The following SLC25A31 variants were observed in gnomAD, a reference collection of about 807,000 sequenced individuals.
The protein encoded by SLC25A31 is ADP/ATP translocase 4.
SLC25A31 carries 40 observed loss-of-function variants against 36.2 expected under a neutral mutation model. The observed-to-expected ratio is 1.10, with a 90% CI of 0.86 to 1.44. SLC25A31 has a LOEUF of 1.44. SLC25A31 is among the 40% of genes most tolerant of loss of function. SLC25A31 has a pLI of 0.00. For missense variants in SLC25A31, 350 were observed against 397.1 expected, an observed-to-expected ratio of 0.88 and a Z score of 1.01; for synonymous variants, 143 against 149.7, an observed-to-expected ratio of 0.96 and a Z score of 0.32.
intron 2 of SLC25A31, among the ~76,000 whole-genome samples, chr4:127,760,727 T>C (rs1732110364): frequency 6.6e-6 from 1 of 152,202 alleles, no homozygotes; most frequent in Non-Finnish European, 1.5e-5. Context: ...TCCTGATTCT[T>C]CTCCGTGCCT....
At chr4:127,747,015 T>C (rs1477721490) in intron 2 of SLC25A31, among the ~76,000 whole-genome samples, 1 of 152,222 alleles carries the variant, frequency 6.6e-6, no homozygotes, top group African/African-American at 2.4e-5. Context: ...CCCACCACTA[T>C]TTATTGAATA....
chr4:127,730,582 C>T lies in SLC25A31; in HGVS notation c.37C>T (p.Arg13Trp), dbSNP rs935825488. The change falls in exon 1 of 6, where the codon CGG becomes TGG. Residue 13 changes from arginine (R) to tryptophan (W), a missense_variant. By Grantham distance (101) the Arg-to-Trp change is moderately radical. Transcript: ENST00000281154. Reference sequence around the variant, plus strand: ...GCCTGCGAAAAAGAAGGCAGAAAAGCGGCTGTTTGACGCCTCATCCTTCGG... The same window carrying T: ...GCCTGCGAAAAAGAAGGCAGAAAAGTGGCTGTTTGACGCCTCATCCTTCGG... ...REPAKKKAEKRLFDASSFGKD... is the reference protein window; with the variant it reads ...REPAKKKAEKWLFDASSFGKD... 3.7e-6 allele frequency: 6 copies of T among 1,613,912 alleles called. No homozygotes were observed. In the African/African-American group the frequency reaches 6.7e-5, roughly 18 times the overall value.
At chr4:127,751,037 A>G (rs1242440288) in intron 2 of SLC25A31, among the ~76,000 whole-genome samples, 1 of 152,210 alleles carries the variant, frequency 6.6e-6, no homozygotes, top group East Asian at 1.9e-4. Flanking sequence ...CCATCAAGCT[A>G]CCAATGACTT....
intron 2 of SLC25A31, among the ~76,000 whole-genome samples, chr4:127,748,647 T>G (rs1374811720): frequency 2.0e-5 from 3 of 152,164 alleles, no homozygotes. Context: ...CACTACAGTT[T>G]TTGGTTAGAG....
chr4:127,757,029 G>T (rs1014476431), intron 2 of SLC25A31, among the ~76,000 whole-genome samples: 54 of 152,294 alleles, frequency 3.5e-4, no homozygotes, highest in African/African-American at 1.3e-3. Flanking sequence ...TTCAGTAGCA[G>T]CTTTTCTTAG....
At chr4:127,752,226 A>G (rs1173447035) in intron 2 of SLC25A31, among the ~76,000 whole-genome samples, 1 of 152,202 alleles carries the variant, frequency 6.6e-6, no homozygotes, top group Non-Finnish European at 1.5e-5. Context: ...ACACCATGGA[A>G]TACTATGCAG....
intron 1 of SLC25A31, among the ~76,000 whole-genome samples, chr4:127,732,356 C>G (rs1198912027): frequency 2.0e-5 from 3 of 152,164 alleles, no homozygotes; most frequent in Non-Finnish European, 2.9e-5. Context: ...AATGCATCAT[C>G]TGGGAGCTAA....
intron 2 of SLC25A31, among the ~76,000 whole-genome samples, chr4:127,751,505 G>C (rs1731931596): frequency 6.6e-6 from 1 of 152,170 alleles, no homozygotes; most frequent in Non-Finnish European, 1.5e-5. Flanking sequence ...TCTGGACATA[G>C]GCATGGGCAA....
chr4:127,768,295 CAAAA>C (rs1732283391), intron 4 of SLC25A31, among the ~76,000 whole-genome samples: 1 of 152,006 alleles, frequency 6.6e-6, no homozygotes, highest in African/African-American at 2.4e-5. Context: ...TATTTAATCA[CAAAA>C]AAAGTTATGT....
intron 2 of SLC25A31, among the ~76,000 whole-genome samples, chr4:127,759,828 C>T (rs2148761795): frequency 6.6e-6 from 1 of 152,176 alleles, no homozygotes; most frequent in East Asian, 1.9e-4. Flanking sequence ...TATATTTTAT[C>T]AGTATACAAA....
At chr4:127,767,461 C>T (rs1325275772) in intron 4 of SLC25A31, among the ~76,000 whole-genome samples, 1 of 152,138 alleles carries the variant, frequency 6.6e-6, no homozygotes, top group Non-Finnish European at 1.5e-5. Context: ...TTTCACTGTA[C>T]ATCACATTGC....
At chr4:127,758,522 C>T (rs1000973351) in intron 2 of SLC25A31, among the ~76,000 whole-genome samples, 7 of 152,244 alleles carry the variant, frequency 4.6e-5, no homozygotes, top group East Asian at 1.9e-4. Context: ...GCTTTGAGGT[C>T]TAAGTCATCA....
intron 5 of SLC25A31, among the ~76,000 whole-genome samples, chr4:127,771,843 A>G (rs887705764): frequency 3.3e-5 from 5 of 152,230 alleles, no homozygotes; most frequent in Non-Finnish European, 2.9e-5. Context: ...ATCTGCTGAG[A>G]TGATTAAACC....
At chr4:127,740,415 A>T (rs1344283596) in intron 1 of SLC25A31, among the ~76,000 whole-genome samples, 1 of 152,126 alleles carries the variant, frequency 6.6e-6, no homozygotes, top group Non-Finnish European at 1.5e-5. Flanking sequence ...CTATGCATGT[A>T]TGTCAGCAGG....
Position 127,739,106 on chromosome 4 carries a change from A to G in SLC25A31, c.233-5566A>G, listed in dbSNP as rs75368706. 8.2e-3 allele frequency among the ~76,000 whole-genome samples: 1,255 copies of G among 152,264 alleles called. 19 individuals are homozygous for G. The highest frequency in any genetic ancestry group is 0.029 in the African/African-American group (1,200 of 41,546). On this transcript the variant is annotated intron_variant, in intron 1 of 5. Coordinates refer to ENST00000281154, the MANE Select transcript of SLC25A31 (RefSeq NM_031291.4). Reference sequence around the variant, plus strand: ...GGTTAGAGGTTTACACTGAAGGTTAATATTTGATATATGAGGTTTTGATCA... The same window carrying G: ...GGTTAGAGGTTTACACTGAAGGTTAGTATTTGATATATGAGGTTTTGATCA...
chr4:127,769,955 G>A, intron 5 of SLC25A31, among the ~76,000 whole-genome samples: 1 of 152,088 alleles, frequency 6.6e-6, no homozygotes, highest in South Asian at 2.1e-4. Flanking sequence ...GTAATATAGT[G>A]CTTATTATAT....
At chr4:127,737,079 C>T (rs372203727) in intron 1 of SLC25A31, among the ~76,000 whole-genome samples, 6 of 152,096 alleles carry the variant, frequency 3.9e-5, no homozygotes, top group East Asian at 3.9e-4. Flanking sequence ...TTTCTAACAG[C>T]AAGGTACAGC....
chr4:127,772,912 G>C (rs1578676779), intron 5 of SLC25A31, among the ~76,000 whole-genome samples: 1 of 151,542 alleles, frequency 6.6e-6, no homozygotes, highest in African/African-American at 2.4e-5. Flanking sequence ...CTCCCGGGTA[G>C]CTGGGACCAC....
chr4:127,771,860 T>C (rs1431995515), intron 5 of SLC25A31, among the ~76,000 whole-genome samples: 1 of 152,256 alleles, frequency 6.6e-6, no homozygotes, highest in East Asian at 1.9e-4. Context: ...AACCTTTTTT[T>C]CTTTTAATAT....
Sources: gnomAD v4.1 joint callset for allele counts (sites outside exome capture counted in the v4.1 genomes callset) on GRCh38, gnomAD v4.1.1 for gene constraint, MANE v1.5 for transcripts, NCBI Gene and HGNC (gene_info 2026-07-23, HGNC 2026-07-21) for gene names.